The following RBFOX1 variants were observed in gnomAD, a reference collection of about 807,000 sequenced individuals.
The protein encoded by RBFOX1 is RNA binding fox-1 homolog 1.
RBFOX1 carries 8 observed loss-of-function variants against 57.7 expected under a neutral mutation model. That is an observed-to-expected ratio of 0.14 (90% confidence interval 0.08 to 0.25). The LOEUF (loss-of-function observed/expected upper bound fraction) is 0.25. Among genes scored for constraint, RBFOX1 ranks in the 10% least tolerant of loss-of-function variants. The probability of loss-of-function intolerance (pLI) is 1.00; values close to 1 mark genes in which losing one functional copy is unlikely to be tolerated. For synonymous variants in RBFOX1, 326 were observed against 222.4 expected (o/e 1.47, Z -4.15); for missense variants, 611 against 548.5 (o/e 1.11, Z -1.14).
intron 4 of RBFOX1, among the ~76,000 whole-genome samples, chr16:5,983,403 C>G (rs1458894839): frequency 6.6e-6 from 1 of 152,216 alleles, no homozygotes; most frequent in Non-Finnish European, 1.5e-5. Flanking sequence ...CTGAATAGTG[C>G]TTTATCGGTC....
In RBFOX1 at chr16:7,302,310, G is replaced by A. The variant is rs1445795239; in HGVS notation, c.28-215837G>A. ...AACGACAACAAAAAATAGAGCCGTG[G>A]GATAATTAGTTTTCTTTTCTTCAGA... On this transcript the variant is annotated intron_variant, in intron 4 of 15. Transcript: ENST00000550418. Among the ~76,000 whole-genome samples the A allele has an allele frequency of 2.0e-5, 3 of 152,092 alleles. No individual in the cohort carries two copies. The East Asian group carries it at 5.8e-4, about 29-fold the overall frequency.
At chr16:5,503,294 C>T (rs934905827) in intron 2 of RBFOX1, among the ~76,000 whole-genome samples, 11 of 152,154 alleles carry the variant, frequency 7.2e-5, no homozygotes, top group Admixed American at 6.5e-5. Flanking sequence ...GAGAGTTGTA[C>T]CCGTGGGAAG....
chr16:7,636,914 C>T (rs1033991771), intron 11 of RBFOX1, among the ~76,000 whole-genome samples: 2 of 152,082 alleles, frequency 1.3e-5, no homozygotes, highest in Non-Finnish European at 2.9e-5. Flanking sequence ...TTATGAAGGG[C>T]CCACCCTCAG....
intron 3 of RBFOX1, among the ~76,000 whole-genome samples, chr16:6,986,916 C>G (rs1370057871): frequency 1.3e-5 from 2 of 152,148 alleles, no homozygotes; most frequent in African/African-American, 2.4e-5. Flanking sequence ...GTTATCTAAT[C>G]CACCCCTTGC....
intron 2 of RBFOX1, among the ~76,000 whole-genome samples, chr16:5,533,203 T>C (rs1201367852): frequency 6.6e-6 from 1 of 152,168 alleles, no homozygotes; most frequent in Non-Finnish European, 1.5e-5. Context: ...TTATGCAGGC[T>C]AGGGGCTGCG....
chr16:6,575,183 C>T (rs2097413660), intron 2 of RBFOX1, among the ~76,000 whole-genome samples: 3 of 152,122 alleles, frequency 2.0e-5, no homozygotes, highest in Admixed American at 1.3e-4. Flanking sequence ...GACACGGCCT[C>T]ATTTTATGCC....
intron 2 of RBFOX1, among the ~76,000 whole-genome samples, chr16:6,471,716 C>T (rs1048509808): frequency 1.3e-5 from 2 of 152,082 alleles, no homozygotes; most frequent in Non-Finnish European, 2.9e-5. Context: ...GAGGTTTATT[C>T]ATCTCAGCAT....
At chr16:5,978,656 T>TG (rs1295329310) in intron 4 of RBFOX1, among the ~76,000 whole-genome samples, 3 of 126,040 alleles carry the variant, frequency 2.4e-5, no homozygotes, top group Non-Finnish European at 5.0e-5. Flanking sequence ...AGTCTCAAAG[T>TG]GTTTTTTTTG....
chr16:5,902,332 A>G (rs1339311651), intron 4 of RBFOX1, among the ~76,000 whole-genome samples: 1 of 152,174 alleles, frequency 6.6e-6, no homozygotes, highest in African/African-American at 2.4e-5. Flanking sequence ...AATTTGGGTG[A>G]GTCTCATCCT....
chr16:5,823,862 T>G (rs1427199619), intron 3 of RBFOX1, among the ~76,000 whole-genome samples: 2 of 152,188 alleles, frequency 1.3e-5, no homozygotes, highest in East Asian at 1.9e-4. Flanking sequence ...AATTATTTTA[T>G]TATATATTAC....
intron 3 of RBFOX1, among the ~76,000 whole-genome samples, chr16:6,804,197 A>G (rs1054835684): frequency 6.6e-6 from 1 of 151,800 alleles, no homozygotes; most frequent in East Asian, 2.0e-4. Context: ...TTTAGTAGAG[A>G]TGGGGTTTCA....
intron 3 of RBFOX1, among the ~76,000 whole-genome samples, chr16:6,672,697 T>C (rs754047736): frequency 2.6e-5 from 4 of 152,186 alleles, no homozygotes; most frequent in African/African-American, 4.8e-5. Context: ...GCTTCTGCTT[T>C]TCTGCTTTTC....
chr16:7,095,724 T>C (rs1245956545), intron 4 of RBFOX1, among the ~76,000 whole-genome samples: 3 of 152,136 alleles, frequency 2.0e-5, no homozygotes, highest in Non-Finnish European at 4.4e-5. Context: ...ATTCATTTCC[T>C]TGTTAAGAAA....
intron 3 of RBFOX1, among the ~76,000 whole-genome samples, chr16:6,659,292 C>A (rs1425112645): frequency 6.6e-6 from 1 of 151,974 alleles, no homozygotes; most frequent in Non-Finnish European, 1.5e-5. Context: ...TGGCCTGGTG[C>A]AGCTAAACAG....
At chr16:7,525,312 T>C (rs1159199921) in intron 5 of RBFOX1, among the ~76,000 whole-genome samples, 3 of 152,186 alleles carry the variant, frequency 2.0e-5, no homozygotes, top group Non-Finnish European at 4.4e-5. Context: ...TGTGTGTGCA[T>C]TTTTATGTAC....
chr16:6,753,731 GAGC>G (rs3042522), intron 3 of RBFOX1, among the ~76,000 whole-genome samples: 68,519 of 151,804 alleles, frequency 0.45, 15,941 homozygotes, highest in South Asian at 0.51. Context: ...AGAGTTAGCG[GAGC>G]AGCAGCTCTG....
At chr16:6,930,759 G>T (rs1301097608) in intron 3 of RBFOX1, among the ~76,000 whole-genome samples, 3 of 151,950 alleles carry the variant, frequency 2.0e-5, no homozygotes, top group Non-Finnish European at 4.4e-5. Flanking sequence ...ATGTTTATTG[G>T]CCACTTGATC....
Position 5,842,515 on chromosome 16 carries a change from A to G in RBFOX1, c.319-24788A>G, listed in dbSNP as rs77679187. Among the ~76,000 whole-genome samples, 1,506 of 152,300 alleles carry G rather than the reference A, an allele frequency of 9.9e-3. 25 individuals are homozygous for G. Among genetic ancestry groups the G allele is most frequent in the African/African-American group, 0.034 (1,408 of 41,566 alleles). ...CTGTGTCATTTCAGTCCCTAAGTGC[A>G]TGCTGCAGGTGTTCATTCATGTATT... On this transcript the variant is annotated intron_variant, in intron 3 of 19. Coordinates refer to the RBFOX1 transcript ENST00000641259.
chr16:7,251,977 TAAAG>T (rs1379615304), intron 4 of RBFOX1, among the ~76,000 whole-genome samples: 2 of 152,218 alleles, frequency 1.3e-5, no homozygotes, highest in Non-Finnish European at 2.9e-5. Context: ...GGGTGATTCT[TAAAG>T]AGAGTCTTCA....
Sources: gnomAD v4.1 joint callset for allele counts (sites outside exome capture counted in the v4.1 genomes callset) on GRCh38, gnomAD v4.1.1 for gene constraint, MANE v1.5 for transcripts, NCBI Gene and HGNC (gene_info 2026-07-23, HGNC 2026-07-21) for gene names.